The following CHODL variants were observed in gnomAD, a reference collection of about 807,000 sequenced individuals.
The protein encoded by CHODL is chondrolectin.
CHODL carries 29 observed loss-of-function variants against 34.5 expected under a neutral mutation model. The observed-to-expected ratio is 0.84, with a 90% confidence interval of 0.63 to 1.15. CHODL has a LOEUF of 1.15. CHODL is among the 50% of genes most tolerant of loss of function. CHODL has a pLI of 0.00. For synonymous variants in CHODL, 125 were observed against 116.1 expected (o/e 1.08, Z -0.49); for missense variants, 332 against 332.5 (o/e 1.00, Z 0.01).
At chr21:18,023,810 G>A (rs1229387733) in intron 1 of CHODL, among the ~76,000 whole-genome samples, 1 of 152,096 alleles carries the variant, frequency 6.6e-6, no homozygotes, top group African/African-American at 2.4e-5. Context: ...TACAGAAAAT[G>A]TGAGGATCAA....
chr21:18,036,745 G>A (rs1419786555), intron 2 of CHODL, among the ~76,000 whole-genome samples: 1 of 151,640 alleles, frequency 6.6e-6, no homozygotes, highest in Non-Finnish European at 1.5e-5. Flanking sequence ...TCTTTTCCTT[G>A]TAAAATTAAA....
chr21:18,160,336 T>G (rs2073081497), intron 2 of CHODL, among the ~76,000 whole-genome samples: 1 of 152,008 alleles, frequency 6.6e-6, no homozygotes, highest in Admixed American at 6.6e-5. Context: ...TTTTCTCTTC[T>G]TTTTTTTAAC....
At chr21:17,944,949 G>A (rs1178316364) in intron 1 of CHODL, among the ~76,000 whole-genome samples, 3 of 152,182 alleles carry the variant, frequency 2.0e-5, no homozygotes, top group Non-Finnish European at 2.9e-5. Flanking sequence ...GGTGGCTTAC[G>A]CCTGGAATCC....
At chr21:18,215,262 G>A (rs977894010) in intron 2 of CHODL, among the ~76,000 whole-genome samples, 16 of 151,698 alleles carry the variant, frequency 1.1e-4, no homozygotes, top group African/African-American at 3.1e-4. Context: ...TTCATTCTAT[G>A]ATAATCTTGT....
chr21:18,075,512 G>A (rs917641834), intron 2 of CHODL, among the ~76,000 whole-genome samples: 3 of 150,964 alleles, frequency 2.0e-5, no homozygotes, highest in African/African-American at 4.9e-5. Flanking sequence ...TGGGAACTTG[G>A]GCAAGATACT....
intron 2 of CHODL, among the ~76,000 whole-genome samples, chr21:18,198,141 T>G (rs76879453): frequency 0.017 from 2,571 of 152,170 alleles, 71 homozygotes; most frequent in African/African-American, 0.057. Flanking sequence ...GCATCTACAG[T>G]TTTACCTAAT....
chr21:17,973,375 T>C (rs1372017821), intron 1 of CHODL, among the ~76,000 whole-genome samples: 1 of 151,806 alleles, frequency 6.6e-6, no homozygotes, highest in Admixed American at 6.6e-5. Flanking sequence ...TGGGAGACAA[T>C]TTTTGCAATC....
At chr21:17,988,456 G>C (rs1455215471) in intron 1 of CHODL, among the ~76,000 whole-genome samples, 3 of 137,252 alleles carry the variant, frequency 2.2e-5, no homozygotes, top group Non-Finnish European at 3.1e-5. Flanking sequence ...GTGCAGGTTA[G>C]TTACATATGT....
At chr21:18,044,174 G>C (rs1193309598) in intron 2 of CHODL, among the ~76,000 whole-genome samples, 1 of 151,904 alleles carries the variant, frequency 6.6e-6, no homozygotes, top group Non-Finnish European at 1.5e-5. Flanking sequence ...AAAAACAGTT[G>C]ATTTAGTTTT....
chr21:18,115,098 T>A (rs205673), intron 2 of CHODL, among the ~76,000 whole-genome samples: 122,329 of 152,220 alleles, frequency 0.8, 49,296 homozygotes, highest in East Asian at 0.91. Flanking sequence ...TCATATTTAC[T>A]TTTTAGAAAG....
At chr21:18,032,822 T>C (rs1009184707) in intron 2 of CHODL, among the ~76,000 whole-genome samples, 34 of 152,048 alleles carry the variant, frequency 2.2e-4, no homozygotes, top group Non-Finnish European at 2.9e-5. Context: ...CTGGTGCTGA[T>C]AGAACCTGGA....
At chr21:18,189,629 ATTTTTTT>A (rs35604998) in intron 2 of CHODL, among the ~76,000 whole-genome samples, 10 of 94,604 alleles carry the variant, frequency 1.1e-4, no homozygotes, top group African/African-American at 1.6e-4. Context: ...GAAGTGGGCA[ATTTTTTT>A]TTTTTTTTTT....
At chr21:18,189,110 T>A (rs1302999003) in intron 2 of CHODL, among the ~76,000 whole-genome samples, 1 of 152,230 alleles carries the variant, frequency 6.6e-6, no homozygotes, top group East Asian at 1.9e-4. Context: ...TTTTCCTGGC[T>A]CTATTTATCA....
intron 1 of CHODL, among the ~76,000 whole-genome samples, chr21:17,966,179 C>G (rs1475641976): frequency 6.6e-6 from 1 of 152,020 alleles, no homozygotes; most frequent in Non-Finnish European, 1.5e-5. Flanking sequence ...AGCTCAAGAG[C>G]CTAATCCTAA....
At chr21:17,977,866 C>CCGAGAT (rs2063677621) in intron 1 of CHODL, among the ~76,000 whole-genome samples, 1 of 139,574 alleles carries the variant, frequency 7.2e-6, no homozygotes, top group Admixed American at 7.3e-5. Context: ...TTGCAGTGAG[C>CCGAGAT]CGAGATCGCG....
chr21:18,037,364 CA>C (rs2064323650), intron 2 of CHODL, among the ~76,000 whole-genome samples: 1 of 151,810 alleles, frequency 6.6e-6, no homozygotes, highest in Non-Finnish European at 1.5e-5. Flanking sequence ...GAGGAACTCT[CA>C]AAAGTCTTCT....
intron 1 of CHODL, among the ~76,000 whole-genome samples, chr21:17,961,902 C>G (rs1305610394): frequency 6.6e-6 from 1 of 152,082 alleles, no homozygotes; most frequent in African/African-American, 2.4e-5. Flanking sequence ...TATTTGCTAC[C>G]CTAAGGTTTT....
chr21:18,089,461 A>G (rs1043450462), intron 2 of CHODL, among the ~76,000 whole-genome samples: 1 of 152,200 alleles, frequency 6.6e-6, no homozygotes, highest in Admixed American at 6.5e-5. Flanking sequence ...GCTCTAAATC[A>G]TGCTAGCCAA....
intron 2 of CHODL, among the ~76,000 whole-genome samples, chr21:18,189,602 C>T (rs1443511097): frequency 1.3e-5 from 2 of 149,718 alleles, no homozygotes; most frequent in Admixed American, 1.3e-4. Context: ...ACCCTATGCA[C>T]TTCAGATCAA....
Sources: gnomAD v4.1 joint callset for allele counts (sites outside exome capture counted in the v4.1 genomes callset) on GRCh38, gnomAD v4.1.1 for gene constraint, MANE v1.5 for transcripts, NCBI Gene and HGNC (gene_info 2026-07-23, HGNC 2026-07-21) for gene names.